EDIL3: variants seen among roughly 807,000 people sequenced by gnomAD.
EDIL3 encodes the protein EGF like and discoidin domains 3.
EDIL3 carries 37 observed loss-of-function variants against 67.4 expected under a neutral mutation model. That is an observed-to-expected ratio of 0.55 (90% CI 0.42 to 0.72). The LOEUF (loss-of-function observed/expected upper bound fraction) is 0.72, where lower values mean the gene tolerates loss of function less well. EDIL3 is among the 30% of genes least tolerant of loss of function. EDIL3 has a pLI of 0.00. For missense variants in EDIL3, 527 were observed against 586.3 expected, an observed-to-expected ratio of 0.90 and a Z score of 1.04; for synonymous variants, 195 against 196.3, an observed-to-expected ratio of 0.99 and a Z score of 0.05.
At chr5:83,966,741 T>C (rs975540199) in intron 9 of EDIL3, among the ~76,000 whole-genome samples, 1 of 152,048 alleles carries the variant, frequency 6.6e-6, no homozygotes, top group Non-Finnish European at 1.5e-5. Flanking sequence ...GAAGTAGGTA[T>C]AGCAATATAT....
chr5:84,205,991 G>C (rs1034104617), intron 3 of EDIL3, among the ~76,000 whole-genome samples: 3 of 151,912 alleles, frequency 2.0e-5, no homozygotes, highest in African/African-American at 7.3e-5. Flanking sequence ...TCTAGCTCTT[G>C]TAATTGTGAT....
intron 6 of EDIL3, among the ~76,000 whole-genome samples, chr5:84,072,026 T>A (rs1237310849): frequency 6.6e-6 from 1 of 152,124 alleles, no homozygotes; most frequent in African/African-American, 2.4e-5. Flanking sequence ...TCATTGCCTA[T>A]CATCCTATCC....
intron 6 of EDIL3, among the ~76,000 whole-genome samples, chr5:84,080,298 C>T (rs77009643): frequency 1.8e-5 from 1 of 54,284 alleles, no homozygotes; most frequent in Non-Finnish European, 3.2e-5. Context: ...GACTCTGTCT[C>T]AAAAAAAAAA....
chr5:84,039,404 T>C (rs1225428336), intron 9 of EDIL3, among the ~76,000 whole-genome samples: 1 of 152,154 alleles, frequency 6.6e-6, no homozygotes, highest in Non-Finnish European at 1.5e-5. Context: ...AAATAGCATC[T>C]TTACCACCAG....
intron 10 of EDIL3, among the ~76,000 whole-genome samples, chr5:83,951,495 G>T (rs1744421161): frequency 6.7e-6 from 1 of 148,986 alleles, no homozygotes; most frequent in Non-Finnish European, 1.5e-5. Context: ...CCTTCTGTTA[G>T]ATTTTTTTTT....
intron 9 of EDIL3, among the ~76,000 whole-genome samples, chr5:83,993,387 T>C (rs1212487092): frequency 1.3e-5 from 2 of 152,222 alleles, no homozygotes; most frequent in African/African-American, 2.4e-5. Context: ...TTGTTGAATA[T>C]AGAGATTGTA....
At chr5:84,336,635 G>A (rs1746992518) in intron 1 of EDIL3, among the ~76,000 whole-genome samples, 1 of 152,128 alleles carries the variant, frequency 6.6e-6, no homozygotes, top group African/African-American at 2.4e-5. Context: ...GAAAGAGGTT[G>A]AAGAAGGTAA....
At chr5:84,157,286 A>AT (rs372991681) in intron 4 of EDIL3, among the ~76,000 whole-genome samples, 2 of 152,190 alleles carry the variant, frequency 1.3e-5, no homozygotes, top group African/African-American at 4.8e-5. Flanking sequence ...GTTTACCTAT[A>AT]TAACAAACCT....
intron 2 of EDIL3, among the ~76,000 whole-genome samples, chr5:84,252,394 T>TGA (rs976661455): frequency 8.8e-5 from 13 of 147,638 alleles, no homozygotes; most frequent in African/African-American, 3.3e-4. Context: ...CTCCGGAGGC[T>TGA]GAGGCAGGAG....
At chr5:84,104,826 A>G (rs1747429349) in intron 6 of EDIL3, among the ~76,000 whole-genome samples, 1 of 152,066 alleles carries the variant, frequency 6.6e-6, no homozygotes, top group African/African-American at 2.4e-5. Context: ...TAAGTAGGCA[A>G]TACTGGGACA....
At chr5:84,378,329 A>G (rs923285297) in intron 1 of EDIL3, among the ~76,000 whole-genome samples, 1 of 152,212 alleles carries the variant, frequency 6.6e-6, no homozygotes, top group Non-Finnish European at 1.5e-5. Flanking sequence ...AACCAGCATT[A>G]TCACCAGTTA....
chr5:84,211,161 T>C (rs1164013140), intron 3 of EDIL3, among the ~76,000 whole-genome samples: 1 of 152,150 alleles, frequency 6.6e-6, no homozygotes, highest in African/African-American at 2.4e-5. Flanking sequence ...TGATTCCCAG[T>C]GTTGAGGTGA....
At chr5:84,155,901 A>G (rs962996583) in intron 4 of EDIL3, among the ~76,000 whole-genome samples, 1 of 152,090 alleles carries the variant, frequency 6.6e-6, no homozygotes, top group Non-Finnish European at 1.5e-5. Flanking sequence ...TGTCTGGTGA[A>G]CCTTGATTGC....
At chr5:84,028,109 C>T (rs920864948) in intron 9 of EDIL3, among the ~76,000 whole-genome samples, 9 of 152,176 alleles carry the variant, frequency 5.9e-5, no homozygotes, top group East Asian at 3.9e-4. Flanking sequence ...ATGTAATAAT[C>T]GGCCTCATAC....
chr5:84,042,852 T>C (rs1746157621), intron 9 of EDIL3, among the ~76,000 whole-genome samples: 2 of 152,210 alleles, frequency 1.3e-5, no homozygotes, highest in Non-Finnish European at 1.5e-5. Context: ...ATGTTTGGTG[T>C]CCCATTTTAA....
chr5:84,319,497 A>C (rs868329665), intron 1 of EDIL3, among the ~76,000 whole-genome samples: 495 of 8,764 alleles, frequency 0.056, 6 homozygotes, highest in East Asian at 0.2. Context: ...AAAACAACAA[A>C]AAAAAAAAAA....
intron 6 of EDIL3, among the ~76,000 whole-genome samples, chr5:84,089,823 C>T (rs1747132923): frequency 6.6e-6 from 1 of 152,174 alleles, no homozygotes; most frequent in African/African-American, 2.4e-5. Context: ...TCTCCATCCC[C>T]AGTGCGACTT....
chr5:84,300,036 A>G (rs1746125404), intron 1 of EDIL3, among the ~76,000 whole-genome samples: 1 of 152,114 alleles, frequency 6.6e-6, no homozygotes, highest in African/African-American at 2.4e-5. Context: ...TCATGAACTG[A>G]CTGGCTAATA....
At chr5:84,353,615 T>A (rs1747410436) in intron 1 of EDIL3, among the ~76,000 whole-genome samples, 1 of 152,256 alleles carries the variant, frequency 6.6e-6, no homozygotes, top group African/African-American at 2.4e-5. Flanking sequence ...GAACAAAGAA[T>A]AAATAATTGA....
Sources: gnomAD v4.1 joint callset for allele counts (sites outside exome capture counted in the v4.1 genomes callset) on GRCh38, gnomAD v4.1.1 for gene constraint, MANE v1.5 for transcripts, NCBI Gene and HGNC (gene_info 2026-07-23, HGNC 2026-07-21) for gene names.